KIAA1217: variants seen among roughly 807,000 people sequenced by gnomAD.
KIAA1217 encodes sickle tail protein homolog.
A neutral mutation model predicts 163.9 loss-of-function variants in KIAA1217; 88 were observed. That is an observed-to-expected ratio of 0.54 (90% CI 0.45 to 0.64). The LOEUF (loss-of-function observed/expected upper bound fraction) is 0.64, where lower values mean the gene tolerates loss of function less well. Ranked by LOEUF, KIAA1217 falls within the 30% of genes least tolerant of loss-of-function variation. KIAA1217 has a pLI of 0.00. For synonymous variants in KIAA1217, 903 were observed against 923.1 expected, an observed-to-expected ratio of 0.98 and a Z score of 0.39; for missense variants, 2,372 against 2,475.0, an observed-to-expected ratio of 0.96 and a Z score of 0.88.
At chr10:24,438,897 G>C (rs1443411576) in intron 5 of KIAA1217, among the ~76,000 whole-genome samples, 1 of 152,110 alleles carries the variant, frequency 6.6e-6, no homozygotes, top group Non-Finnish European at 1.5e-5. Flanking sequence ...TCTTACATTA[G>C]CTCTTCCAAG....
In KIAA1217 at chr10:24,048,666, G is replaced by T. The variant is rs1048836844; in HGVS notation, c.-171+41292G>T. On this transcript the variant is annotated intron_variant, in intron 2 of 18. Coordinates refer to the KIAA1217 transcript ENST00000376462. ...AATTGTTTGAATCTGGGAGGCAGAG[G>T]TTGCAGTGAGCCAAGATCATACCCC... Among the ~76,000 whole-genome samples the T allele has an allele frequency of 2.0e-5, 3 of 151,626 alleles. No individual in the cohort carries two copies. In the East Asian group the frequency reaches 5.8e-4, roughly 30 times the overall value.
chr10:24,237,363 T>C (rs541658049), intron 2 of KIAA1217, among the ~76,000 whole-genome samples: 145 of 152,358 alleles, frequency 9.5e-4, no homozygotes, highest in African/African-American at 3.3e-3. Flanking sequence ...ATTTTTCTCT[T>C]GGGTTTACCT....
intron 2 of KIAA1217, among the ~76,000 whole-genome samples, chr10:24,195,525 C>A (rs1456432576): frequency 6.6e-6 from 1 of 152,088 alleles, no homozygotes; most frequent in African/African-American, 2.4e-5. Flanking sequence ...TGGGGATAAG[C>A]GTTTCTGTTT....
chr10:24,268,303 C>T (rs1321547046), intron 2 of KIAA1217, among the ~76,000 whole-genome samples: 1 of 152,198 alleles, frequency 6.6e-6, no homozygotes, highest in East Asian at 1.9e-4. Context: ...TAAAACTTCA[C>T]TATATTTTCT....
At chr10:24,428,599 G>GAGACAT (rs922855044) in intron 3 of KIAA1217, among the ~76,000 whole-genome samples, 8 of 152,088 alleles carry the variant, frequency 5.3e-5, no homozygotes, top group Non-Finnish European at 1.2e-4. Context: ...ACCCACAAAT[G>GAGACAT]AGACATTCCT....
At chr10:24,097,017 G>A (rs1403767605) in intron 2 of KIAA1217, among the ~76,000 whole-genome samples, 1 of 152,184 alleles carries the variant, frequency 6.6e-6, no homozygotes, top group East Asian at 1.9e-4. Context: ...ATTGTATATA[G>A]GTAACGGTGG....
chr10:24,486,532 C>T (rs556599898), intron 6 of KIAA1217, among the ~76,000 whole-genome samples: 215 of 152,264 alleles, frequency 1.4e-3, no homozygotes, highest in African/African-American at 5.0e-3. Context: ...ATCACCCTCC[C>T]CTTCCTTCCT....
intron 2 of KIAA1217, among the ~76,000 whole-genome samples, chr10:24,328,189 G>A (rs1421640895): frequency 6.6e-6 from 1 of 152,194 alleles, no homozygotes; most frequent in African/African-American, 2.4e-5. Flanking sequence ...GGAGATGGGA[G>A]ATCAGTCTCA....
chr10:24,168,505 G>A (rs79231022), intron 2 of KIAA1217, among the ~76,000 whole-genome samples: 3,692 of 152,268 alleles, frequency 0.024, 59 homozygotes, highest in South Asian at 0.07. Flanking sequence ...TGAGACAGTG[G>A]GGGTGTGGAC....
At chr10:23,892,081 A>C (rs1214653301) in intron 1 of KIAA1217, among the ~76,000 whole-genome samples, 1 of 151,984 alleles carries the variant, frequency 6.6e-6, no homozygotes, top group Non-Finnish European at 1.5e-5. Flanking sequence ...TAAAAATAAA[A>C]ATAACACACA....
intron 1 of KIAA1217, among the ~76,000 whole-genome samples, chr10:23,727,811 C>G (rs149423940): frequency 6.6e-6 from 1 of 152,066 alleles, no homozygotes; most frequent in Admixed American, 6.6e-5. Flanking sequence ...CCCCACCTCC[C>G]GATGGGCCCT....
intron 1 of KIAA1217, among the ~76,000 whole-genome samples, chr10:23,953,978 T>C (rs1318296245): frequency 2.0e-5 from 3 of 152,208 alleles, no homozygotes; most frequent in Admixed American, 2.0e-4. Flanking sequence ...AGTTTCTCAG[T>C]GAAGCTCTTC....
At chr10:23,986,773 T>A (rs527659192) in intron 1 of KIAA1217, among the ~76,000 whole-genome samples, 1 of 152,216 alleles carries the variant, frequency 6.6e-6, no homozygotes, top group African/African-American at 2.4e-5. Flanking sequence ...ATCTACAGAC[T>A]GTTGCCTACA....
intron 2 of KIAA1217, among the ~76,000 whole-genome samples, chr10:24,340,302 G>A (rs1335429128): frequency 6.6e-6 from 1 of 152,084 alleles, no homozygotes; most frequent in Non-Finnish European, 1.5e-5. Context: ...TTGAATCATG[G>A]GGGCAGCTTC....
At chr10:24,007,789 G>A (rs189206421) in intron 2 of KIAA1217, among the ~76,000 whole-genome samples, 48 of 151,990 alleles carry the variant, frequency 3.2e-4, no homozygotes, top group African/African-American at 1.1e-3. Context: ...TGTCTATGGA[G>A]GGAATAGAAT....
At position 24,496,751 on chromosome 10, in the gene KIAA1217, C is replaced by A. The variant is rs12253613; in HGVS notation, c.1834+1555C>A. On this transcript the variant is annotated intron_variant, in intron 8 of 20. Transcript: ENST00000376454. ...GTCCAAATGCCTCCCATTTGAACTCCTTTTATGTTAAGATGCCTCAGTCCC... is the reference window on the plus strand; with the variant it reads ...GTCCAAATGCCTCCCATTTGAACTCATTTTATGTTAAGATGCCTCAGTCCC... 8.3e-3 allele frequency among the ~76,000 whole-genome samples: 1,257 copies of A among 152,316 alleles called. 20 individuals are homozygous for A. Among genetic ancestry groups the A allele is most frequent in the African/African-American group, 0.029 (1,212 of 41,562 alleles).
chr10:24,170,704 G>C (rs2065587495), intron 2 of KIAA1217, among the ~76,000 whole-genome samples: 1 of 152,234 alleles, frequency 6.6e-6, no homozygotes, highest in South Asian at 2.1e-4. Context: ...TTAAGTTGCT[G>C]CCATTCATTT....
intron 1 of KIAA1217, among the ~76,000 whole-genome samples, chr10:23,818,229 C>G (rs1837439643): frequency 7.1e-6 from 1 of 140,496 alleles, no homozygotes; most frequent in African/African-American, 2.6e-5. Context: ...ATAGGCAAAA[C>G]TTTATATATT....
chr10:24,211,415 G>A (rs150702941), intron 1 of KIAA1217, among the ~76,000 whole-genome samples: 1 of 128,332 alleles, frequency 7.8e-6, no homozygotes, highest in Admixed American at 9.3e-5. Flanking sequence ...TTGTCACCCA[G>A]ACTGGAGTGC....
Sources: gnomAD v4.1 joint callset for allele counts (sites outside exome capture counted in the v4.1 genomes callset) on GRCh38, gnomAD v4.1.1 for gene constraint, MANE v1.5 for transcripts, NCBI Gene and HGNC (gene_info 2026-07-23, HGNC 2026-07-21) for gene names.